TRAPPC9: variants seen among roughly 807,000 people sequenced by gnomAD.
The protein encoded by TRAPPC9 is IKK2 binding protein.
A neutral mutation model predicts 124.0 loss-of-function variants in TRAPPC9; 83 were observed. The ratio of observed to expected loss-of-function variants is 0.67; its 90% confidence interval spans 0.56 to 0.80. The LOEUF (loss-of-function observed/expected upper bound fraction) is 0.80. TRAPPC9 is among the 30% of genes least tolerant of loss of function. TRAPPC9 has a pLI of 0.00. For missense variants in TRAPPC9, 1,302 were observed against 1,508.3 expected (o/e 0.86, Z 2.27); for synonymous variants, 638 against 617.5 (o/e 1.03, Z -0.49).
At chr8:140,115,919 C>A (rs2060876317) in intron 17 of TRAPPC9, among the ~76,000 whole-genome samples, 1 of 152,130 alleles carries the variant, frequency 6.6e-6, no homozygotes. Context: ...ACCTATAAGA[C>A]CACCTGGCGC....
In TRAPPC9 at chr8:139,728,825, T is replaced by C. The variant is rs980717107; in HGVS notation, c.*2236A>G. ...TCCTGCCCCTTGAGGTTCTTCCTTCTTGTGGCATCCAGCATTTTCTCTGGT... is the reference window on the plus strand; with the variant it reads ...TCCTGCCCCTTGAGGTTCTTCCTTCCTGTGGCATCCAGCATTTTCTCTGGT... On this transcript the variant is annotated 3_prime_UTR_variant, in exon 23 of 23. Transcript: ENST00000438773. 2.0e-5 allele frequency among the ~76,000 whole-genome samples: 3 copies of C among 152,236 alleles called. No individual in the cohort carries two copies. Among genetic ancestry groups the C allele is most frequent in the Non-Finnish European group, 4.4e-5 (3 of 68,046 alleles).
Position 140,106,726 on chromosome 8 carries a change from G to A in TRAPPC9, c.2557-82647C>T, listed in dbSNP as rs531063709. ...CCTCTGAGACTCAAATTCTTCCCAC[G>A]AAAAAAAGAGGATAATGCCGACCTC... On this transcript the variant is annotated intron_variant, in intron 17 of 22. Coordinates refer to ENST00000438773, the MANE Select transcript of TRAPPC9 (RefSeq NM_001160372.4). Among the ~76,000 whole-genome samples, 115 of 152,000 alleles carry A rather than the reference G, an allele frequency of 7.6e-4. 1 individual carries two copies. The South Asian group carries it at 8.3e-3, about 11-fold the overall frequency.
At chr8:140,356,562 AC>A (rs141632917) in intron 9 of TRAPPC9, among the ~76,000 whole-genome samples, 8,911 of 152,164 alleles carry the variant, frequency 0.059, 858 homozygotes, top group African/African-American at 0.2. Flanking sequence ...GATGCAGCAT[AC>A]GTATACACAC....
intron 9 of TRAPPC9, among the ~76,000 whole-genome samples, chr8:140,314,695 T>C (rs922182853): frequency 1.3e-5 from 2 of 152,206 alleles, no homozygotes; most frequent in African/African-American, 4.8e-5. Flanking sequence ...CATGAGGGAT[T>C]TGTCTTTCTG....
chr8:140,019,329 G>C (rs72685233), intron 18 of TRAPPC9, among the ~76,000 whole-genome samples: 9,026 of 151,972 alleles, frequency 0.059, 345 homozygotes, highest in Non-Finnish European at 0.081. Context: ...AATGGAAGTT[G>C]GGAAGTATTT....
intron 19 of TRAPPC9, among the ~76,000 whole-genome samples, chr8:139,955,293 G>A (rs1277771204): frequency 1.3e-5 from 2 of 152,018 alleles, no homozygotes; most frequent in African/African-American, 4.8e-5. Flanking sequence ...TTGTTCACTG[G>A]GTTCTTGAGG....
intron 19 of TRAPPC9, among the ~76,000 whole-genome samples, chr8:139,977,491 G>A (rs1013659902): frequency 4.6e-5 from 7 of 151,472 alleles, no homozygotes; most frequent in East Asian, 4.0e-4. Flanking sequence ...GGTGGCGGGC[G>A]CCTGTAGTCC....
intron 19 of TRAPPC9, among the ~76,000 whole-genome samples, chr8:139,958,991 A>ACTGCATTCCGAGTCACACGGGGGAGGC (rs1835193346): frequency 2.7e-4 from 9 of 33,632 alleles, no homozygotes; most frequent in East Asian, 1.1e-3. Flanking sequence ...ACGGGGGAGC[A>ACTGCATTCCGAGTCACACGGGGGAGGC]CTGCATTCCG....
At chr8:139,818,751 T>C (rs1825039897) in intron 21 of TRAPPC9, among the ~76,000 whole-genome samples, 1 of 152,210 alleles carries the variant, frequency 6.6e-6, no homozygotes, top group African/African-American at 2.4e-5. Context: ...GCTTATGAAA[T>C]TCCTGACAAT....
At position 140,230,146 on chromosome 8, in the gene TRAPPC9, G is replaced by A. The variant is rs147183349; in HGVS notation, c.2432-8563C>T. On this transcript the variant is annotated intron_variant, in intron 16 of 22. Transcript: ENST00000438773. ...CACATAACATGCTCCAAGAGCCAAC[G>A]TCCAACCAAGACTGCATGTGGCACC... 1.8e-4 allele frequency among the ~76,000 whole-genome samples: 28 copies of A among 152,292 alleles called. No individual in the cohort carries two copies. The Middle Eastern group carries it at 0.01, about 56-fold the overall frequency.
intron 9 of TRAPPC9, among the ~76,000 whole-genome samples, chr8:140,348,504 C>G (rs574212564): frequency 2.0e-4 from 30 of 152,174 alleles, no homozygotes; most frequent in African/African-American, 7.0e-4. Flanking sequence ...CCAGGAAGCC[C>G]CCTCCTGATG....
intron 17 of TRAPPC9, among the ~76,000 whole-genome samples, chr8:140,166,679 G>A (rs1020575728): frequency 6.6e-6 from 1 of 152,258 alleles, no homozygotes; most frequent in African/African-American, 2.4e-5. Context: ...GGGTCTGGAA[G>A]GTCACACGCA....
intron 21 of TRAPPC9, among the ~76,000 whole-genome samples, chr8:139,842,711 C>G (rs567760202): frequency 6.6e-6 from 1 of 152,192 alleles, no homozygotes; most frequent in East Asian, 1.9e-4. Flanking sequence ...GTCCCTCCAC[C>G]GCCCTGTCCT....
chr8:140,172,597 G>C (rs1041720020), intron 17 of TRAPPC9, among the ~76,000 whole-genome samples: 1 of 152,140 alleles, frequency 6.6e-6, no homozygotes, highest in African/African-American at 2.4e-5. Flanking sequence ...GAAAGGAACA[G>C]CCTACTTGAG....
At chr8:139,913,138 G>A (rs1161375704) in intron 19 of TRAPPC9, among the ~76,000 whole-genome samples, 1 of 152,206 alleles carries the variant, frequency 6.6e-6, no homozygotes, top group Non-Finnish European at 1.5e-5. Context: ...TAATCTGGGG[G>A]TATCTTTCAA....
intron 16 of TRAPPC9, among the ~76,000 whole-genome samples, chr8:140,230,040 C>T (rs2063554939): frequency 6.6e-6 from 1 of 152,186 alleles, no homozygotes; most frequent in South Asian, 2.1e-4. Context: ...CCAGTCATTT[C>T]ACAGGGAGTC....
At chr8:139,870,835 T>C (rs778305900) in intron 21 of TRAPPC9, among the ~76,000 whole-genome samples, 1 of 152,222 alleles carries the variant, frequency 6.6e-6, no homozygotes, top group African/African-American at 2.4e-5. Flanking sequence ...TGTGCATATT[T>C]TTTCTTTGCA....
intron 21 of TRAPPC9, among the ~76,000 whole-genome samples, chr8:139,838,623 G>A (rs1335017629): frequency 6.6e-6 from 1 of 152,152 alleles, no homozygotes; most frequent in Admixed American, 6.5e-5. Flanking sequence ...TTTCCTTCAG[G>A]GCCAGGCCTC....
intron 18 of TRAPPC9, among the ~76,000 whole-genome samples, chr8:140,016,192 A>G (rs1229566163): frequency 2.0e-5 from 3 of 152,258 alleles, no homozygotes; most frequent in Admixed American, 1.3e-4. Context: ...GTTAAAATTT[A>G]CATACAACGA....
Sources: allele counts gnomAD v4.1 joint callset (sites outside exome capture counted in the v4.1 genomes callset), GRCh38; gene constraint gnomAD v4.1.1; transcripts MANE v1.5; gene names NCBI Gene and HGNC (gene_info 2026-07-23, HGNC 2026-07-21).